The following MGAT4C variants were observed in gnomAD, a reference collection of about 807,000 sequenced individuals.
MGAT4C encodes MGAT4 family member C, also known as alpha-1,3-mannosyl-glycoprotein 4-beta-N-acetylglucosaminyltransferase C.
MGAT4C carries 19 observed loss-of-function variants against 40.1 expected under a neutral mutation model. That is an observed-to-expected ratio of 0.47 (90% CI 0.33 to 0.70). MGAT4C has a LOEUF of 0.70. Ranked by LOEUF, MGAT4C falls within the 30% of genes least tolerant of loss-of-function variation. MGAT4C has a pLI of 0.02. For synonymous variants in MGAT4C, 181 were observed against 187.1 expected (o/e 0.97, Z 0.27); for missense variants, 491 against 563.2 (o/e 0.87, Z 1.30).
rs1202152546 is a variant in MGAT4C, at chr12:86,177,370, G to A, written c.-57+78869C>T. Among the ~76,000 whole-genome samples the A allele has an allele frequency of 2.0e-5, 3 of 152,050 alleles. No homozygotes were observed. The East Asian group carries it at 5.8e-4, about 29-fold the overall frequency. Reference sequence around the variant, plus strand: ...GTTTTCACTATCTTTAACCATAAGTGATGTAGAAAACATTTAATAGAATAA... The same window carrying A: ...GTTTTCACTATCTTTAACCATAAGTAATGTAGAAAACATTTAATAGAATAA... On this transcript the variant is annotated intron_variant, in intron 1 of 4. Coordinates refer to ENST00000611864, the MANE Select transcript of MGAT4C (RefSeq NM_001351288.2).
At chr12:86,029,948 C>A (rs1430583294) in intron 2 of MGAT4C, among the ~76,000 whole-genome samples, 1 of 151,758 alleles carries the variant, frequency 6.6e-6, no homozygotes, top group Admixed American at 6.6e-5. Flanking sequence ...CATTAAGTTT[C>A]TTAACAACAA....
At chr12:86,505,473 C>T (rs984321561) in intron 2 of MGAT4C, among the ~76,000 whole-genome samples, 2 of 152,274 alleles carry the variant, frequency 1.3e-5, no homozygotes, top group East Asian at 3.9e-4. Context: ...TCTATACATA[C>T]ATAAACCAGA....
chr12:86,640,326 TTTGATTGAATA>T (rs1346229890), intron 2 of MGAT4C, among the ~76,000 whole-genome samples: 12 of 151,838 alleles, frequency 7.9e-5, no homozygotes, highest in African/African-American at 2.4e-4. Flanking sequence ...CTTGAGTTAT[TTTGATTGAATA>T]AAGTTTAGAT....
intron 2 of MGAT4C, among the ~76,000 whole-genome samples, chr12:86,726,005 C>T (rs1173513927): frequency 6.6e-6 from 1 of 152,144 alleles, no homozygotes. Flanking sequence ...TATACAATCA[C>T]ACTTCAAATC....
At chr12:86,046,450 C>G (rs766523685) in intron 2 of MGAT4C, among the ~76,000 whole-genome samples, 5 of 152,258 alleles carry the variant, frequency 3.3e-5, no homozygotes, top group Non-Finnish European at 4.4e-5. Flanking sequence ...GAAGTGAGGT[C>G]CTAATCATTT....
intron 2 of MGAT4C, chr12:86,013,815 A>G (rs1888776902): frequency 1.2e-6 from 1 of 858,846 alleles, no homozygotes; most frequent in Non-Finnish European, 1.4e-6. Context: ...TCCTACTCCC[A>G]TAAATATTAT....
intron 1 of MGAT4C, among the ~76,000 whole-genome samples, chr12:86,748,303 C>G (rs2136138294): frequency 6.6e-6 from 1 of 151,638 alleles, no homozygotes; most frequent in African/African-American, 2.4e-5. Flanking sequence ...GTATAATTAC[C>G]TTAAAATCTG....
intron 3 of MGAT4C, among the ~76,000 whole-genome samples, chr12:85,985,799 T>G (rs1885133976): frequency 6.6e-6 from 1 of 152,198 alleles, no homozygotes; most frequent in Middle Eastern, 3.2e-3. Flanking sequence ...ACTGCCAAAA[T>G]GTAACTAGTG....
chr12:86,337,215 T>C (rs1345524563), intron 3 of MGAT4C, among the ~76,000 whole-genome samples: 1 of 151,854 alleles, frequency 6.6e-6, no homozygotes, highest in Non-Finnish European at 1.5e-5. Flanking sequence ...TTACAAAGTG[T>C]TTGAAGAAAA....
In MGAT4C at chr12:86,417,089, A is replaced by G. The variant is rs113932012; in HGVS notation, c.-120+18068T>C. On this transcript the variant is annotated intron_variant, in intron 3 of 7. Transcript: ENST00000548651. ...CAGCACTAGGAAACTAATACATCCA[A>G]TAAAAATTATCACCAACAGTCTGCA... Among the ~76,000 whole-genome samples the G allele has an allele frequency of 2.9e-3, 434 of 152,274 alleles. 2 individuals carry two copies. The highest frequency in any genetic ancestry group is 9.8e-3 in the African/African-American group (408 of 41,568).
intron 2 of MGAT4C, among the ~76,000 whole-genome samples, chr12:86,631,992 T>G (rs1963061611): frequency 6.6e-6 from 1 of 152,154 alleles, no homozygotes; most frequent in Admixed American, 6.5e-5. Context: ...GAGAAAATTT[T>G]TGCAATCTAC....
At chr12:86,351,970 T>C (rs1955171587) in intron 3 of MGAT4C, among the ~76,000 whole-genome samples, 1 of 152,028 alleles carries the variant, frequency 6.6e-6, no homozygotes, top group Non-Finnish European at 1.5e-5. Flanking sequence ...GATTTTGTCT[T>C]CCTCTTCTTA....
intron 2 of MGAT4C, among the ~76,000 whole-genome samples, chr12:86,510,786 G>A (rs1277421268): frequency 1.3e-5 from 2 of 152,252 alleles, no homozygotes; most frequent in East Asian, 3.9e-4. Context: ...AACAAGAAGA[G>A]CTAACTAGCC....
chr12:85,979,818 C>T lies in MGAT4C; in HGVS notation c.908G>A (p.Arg303His), dbSNP rs140682310. Residue 303 changes from arginine (R) to histidine (H), a missense_variant, in exon 5 of 5, where the codon CGT becomes CAT. Arg to His is a conservative substitution (Grantham distance 29). Coordinates refer to ENST00000611864, the MANE Select transcript of MGAT4C (RefSeq NM_001351288.2). ...RGLLAQKNVI[R>H]FKPSLFQHMG... ...GTGCTGAAAGAGAGATGGTTTAAAA[C>T]GGATCACATTTTTCTGAGCCAACAG... 53 of 1,613,518 alleles carry T rather than the reference C, an allele frequency of 3.3e-5. No individual in the cohort carries two copies. The highest frequency in any genetic ancestry group is 1.6e-4 in the Middle Eastern group (1 of 6,082).
At chr12:86,532,738 G>T (rs879818881) in intron 2 of MGAT4C, among the ~76,000 whole-genome samples, 22 of 152,022 alleles carry the variant, frequency 1.4e-4, no homozygotes, top group Non-Finnish European at 2.9e-4. Flanking sequence ...ATTTTAATAT[G>T]AATGCCATTT....
intron 2 of MGAT4C, among the ~76,000 whole-genome samples, chr12:86,586,977 T>C (rs1030733580): frequency 3.3e-5 from 5 of 152,174 alleles, no homozygotes; most frequent in Non-Finnish European, 5.9e-5. Flanking sequence ...TTTGTCAATG[T>C]TGGCTTTTGT....
At chr12:86,237,196 T>C (rs1951592011) in intron 1 of MGAT4C, among the ~76,000 whole-genome samples, 1 of 151,552 alleles carries the variant, frequency 6.6e-6, no homozygotes, top group African/African-American at 2.4e-5. Flanking sequence ...GCAATCTATC[T>C]ACTTAATAAA....
intron 2 of MGAT4C, among the ~76,000 whole-genome samples, chr12:86,646,963 C>A (rs1963557478): frequency 6.6e-6 from 1 of 151,896 alleles, no homozygotes. Context: ...GCCAAGGTGA[C>A]ACAGCAGAGG....
chr12:86,753,572 C>T (rs1234006165), intron 1 of MGAT4C, among the ~76,000 whole-genome samples: 4 of 151,644 alleles, frequency 2.6e-5, no homozygotes, highest in Admixed American at 1.3e-4. Flanking sequence ...GTCACCAGCC[C>T]GAGATGGTCT....
Sources: allele counts gnomAD v4.1 joint callset (sites outside exome capture counted in the v4.1 genomes callset), GRCh38; gene constraint gnomAD v4.1.1; transcripts MANE v1.5; gene names NCBI Gene and HGNC (gene_info 2026-07-23, HGNC 2026-07-21).